PCDH15: variants seen among roughly 807,000 people sequenced by gnomAD.
PCDH15 encodes protocadherin-15.
PCDH15 carries 129 observed loss-of-function variants against 178.5 expected under a neutral mutation model. The observed-to-expected ratio is 0.72, with a 90% CI of 0.63 to 0.84. PCDH15 has a LOEUF of 0.84. Among genes scored for constraint, PCDH15 ranks in the 40% least tolerant of loss-of-function variants. The pLI is 0.00. For missense variants in PCDH15, 2,230 were observed against 2,099.9 expected (o/e 1.06, Z -1.21); for synonymous variants, 800 against 732.0 (o/e 1.09, Z -1.50).
chr10:54,754,136 C>G (rs1946744457), intron 1 of PCDH15, among the ~76,000 whole-genome samples: 1 of 151,870 alleles, frequency 6.6e-6, no homozygotes, highest in African/African-American at 2.4e-5. Context: ...CTCCCCAAAT[C>G]TTTACTGCCA....
At chr10:53,998,025 A>G (rs927514104) in intron 20 of PCDH15, among the ~76,000 whole-genome samples, 1 of 152,170 alleles carries the variant, frequency 6.6e-6, no homozygotes. Flanking sequence ...CACTGTATTT[A>G]TGCTCAGGGA....
chr10:54,425,675 G>A (rs777238075), intron 3 of PCDH15, among the ~76,000 whole-genome samples: 1 of 152,108 alleles, frequency 6.6e-6, no homozygotes, highest in Non-Finnish European at 1.5e-5. Flanking sequence ...AAGGTTTTCA[G>A]CATATAGAGG....
chr10:55,547,144 C>T (rs1841902420), intron 2 of PCDH15, among the ~76,000 whole-genome samples: 1 of 152,060 alleles, frequency 6.6e-6, no homozygotes, highest in Admixed American at 6.6e-5. Flanking sequence ...AGCCCGGGGA[C>T]GTTGATATGG....
intron 2 of PCDH15, among the ~76,000 whole-genome samples, chr10:55,124,254 G>A (rs926498538): frequency 2.6e-5 from 4 of 152,062 alleles, no homozygotes; most frequent in Admixed American, 2.6e-4. Context: ...TAAAGGCACA[G>A]AATTACATAG....
chr10:55,112,960 TA>T (rs1448908492), intron 2 of PCDH15, among the ~76,000 whole-genome samples: 2 of 152,164 alleles, frequency 1.3e-5, no homozygotes, highest in African/African-American at 4.8e-5. Context: ...ATACTGTGCT[TA>T]AAAAACTTTT....
intron 3 of PCDH15, among the ~76,000 whole-genome samples, chr10:54,810,111 T>C (rs1952839842): frequency 6.6e-6 from 1 of 152,108 alleles, no homozygotes; most frequent in Non-Finnish European, 1.5e-5. Context: ...CCCCCAAAAA[T>C]GAATGCTCAG....
At chr10:53,971,282 C>A (rs1296457735) in intron 21 of PCDH15, among the ~76,000 whole-genome samples, 1 of 152,058 alleles carries the variant, frequency 6.6e-6, no homozygotes, top group Non-Finnish European at 1.5e-5. Flanking sequence ...TTGATGTAAC[C>A]TATCTTAAAA....
At chr10:53,819,414 G>A (rs2076176029) in intron 33 of PCDH15, among the ~76,000 whole-genome samples, 1 of 151,974 alleles carries the variant, frequency 6.6e-6, no homozygotes, top group Admixed American at 6.6e-5. Context: ...CTCAAAGGCA[G>A]AAAGTTACTT....
At chr10:55,321,132 A>T (rs776689409), upstream of PCDH15, among the ~76,000 whole-genome samples, 7 of 151,896 alleles carry the variant, frequency 4.6e-5, no homozygotes, top group South Asian at 2.1e-4. Context: ...AGAAAGGAAA[A>T]GAAAAGAAAA....
intron 10 of PCDH15, among the ~76,000 whole-genome samples, chr10:54,203,044 G>T (rs372622051): frequency 6.6e-6 from 1 of 152,052 alleles, no homozygotes; most frequent in Non-Finnish European, 1.5e-5. Flanking sequence ...TAGCCCTATT[G>T]GTTAGTGGAC....
intron 3 of PCDH15, among the ~76,000 whole-genome samples, chr10:54,477,871 C>T (rs931803409): frequency 6.6e-6 from 1 of 152,190 alleles, no homozygotes; most frequent in Non-Finnish European, 1.5e-5. Context: ...GCATGAGCTA[C>T]TGCACTCAGC....
chr10:55,470,215 G>A (rs1312883388), intron 2 of PCDH15, among the ~76,000 whole-genome samples: 4 of 151,968 alleles, frequency 2.6e-5, no homozygotes, highest in Admixed American at 1.3e-4. Flanking sequence ...GCCAGGTGAG[G>A]TGGTTTGGCC....
In PCDH15 at chr10:54,231,353, G is replaced by T. The variant is rs548869866; in HGVS notation, c.985+5470C>A. Among the ~76,000 whole-genome samples, 5 of 152,314 alleles carry T rather than the reference G, an allele frequency of 3.3e-5. No homozygotes were observed. In the South Asian group the frequency reaches 1.0e-3, roughly 32 times the overall value. On this transcript the variant is annotated intron_variant, in intron 9 of 37. Coordinates refer to ENST00000644397, the MANE Select transcript of PCDH15 (RefSeq NM_001384140.1). The stretch of plus-strand genomic sequence containing the variant: ...TGTTAAACCTGTGGACACACAGAGG[G>T]CAATGGTTGAGGCTTGGAAGCCTCC...
chr10:55,557,056 G>C (rs1842104566), intron 2 of PCDH15, among the ~76,000 whole-genome samples: 1 of 152,078 alleles, frequency 6.6e-6, no homozygotes, highest in Non-Finnish European at 1.5e-5. Flanking sequence ...TACATTTTGT[G>C]CAAACACATT....
intron 2 of PCDH15, among the ~76,000 whole-genome samples, chr10:54,641,316 C>A (rs75264754): frequency 1.3e-4 from 20 of 152,196 alleles, no homozygotes; most frequent in Non-Finnish European, 2.2e-4. Context: ...ATTCAGTTAT[C>A]TTGATCACAA....
intron 20 of PCDH15, among the ~76,000 whole-genome samples, chr10:54,007,636 G>A (rs988788954): frequency 6.6e-6 from 1 of 152,076 alleles, no homozygotes; most frequent in Non-Finnish European, 1.5e-5. Context: ...CAGATGTCTT[G>A]ATAAAAATTT....
intron 18 of PCDH15, among the ~76,000 whole-genome samples, chr10:54,034,315 C>G (rs1283739519): frequency 6.6e-6 from 1 of 151,868 alleles, no homozygotes; most frequent in African/African-American, 2.4e-5. Flanking sequence ...CACACATTGT[C>G]ACAATTTGAC....
chr10:55,313,492 G>A (rs1188087914), intron 1 of PCDH15, among the ~76,000 whole-genome samples: 4 of 152,168 alleles, frequency 2.6e-5, no homozygotes, highest in African/African-American at 9.7e-5. Context: ...CGTTACGGAT[G>A]TTGAAAGAAA....
chr10:54,987,976 T>C (rs1839412879), intron 2 of PCDH15, among the ~76,000 whole-genome samples: 1 of 152,212 alleles, frequency 6.6e-6, no homozygotes, highest in Non-Finnish European at 1.5e-5. Context: ...GGTTTTCTTC[T>C]AGGATTTTTA....
Sources: allele counts gnomAD v4.1 joint callset (sites outside exome capture counted in the v4.1 genomes callset), GRCh38; gene constraint gnomAD v4.1.1; transcripts MANE v1.5; gene names NCBI Gene and HGNC (gene_info 2026-07-23, HGNC 2026-07-21).